KAT2B: variants seen among roughly 807,000 people sequenced by gnomAD.
KAT2B encodes the protein lysine acetyltransferase 2B, also known as histone acetyltransferase KAT2B.
A neutral mutation model predicts 105.9 loss-of-function variants in KAT2B; 36 were observed. The observed-to-expected ratio is 0.34, with a 90% CI of 0.26 to 0.45. The LOEUF is 0.45. Ranked by LOEUF, KAT2B falls within the 20% of genes least tolerant of loss-of-function variation. KAT2B has a pLI of 1.00. For synonymous variants in KAT2B, 397 were observed against 377.9 expected, an observed-to-expected ratio of 1.05 and a Z score of -0.59; for missense variants, 820 against 1,021.6, an observed-to-expected ratio of 0.80 and a Z score of 2.69.
At chr3:20,051,229 A>AG (rs987979552) in intron 1 of KAT2B, among the ~76,000 whole-genome samples, 2 of 151,676 alleles carry the variant, frequency 1.3e-5, no homozygotes, top group African/African-American at 2.4e-5. Context: ...AACAAAAAAA[A>AG]CAAATCAAGG....
At chr3:20,112,502 C>A (rs1248942345) in intron 6 of KAT2B, among the ~76,000 whole-genome samples, 1 of 152,110 alleles carries the variant, frequency 6.6e-6, no homozygotes, top group Non-Finnish European at 1.5e-5. Flanking sequence ...TGCTAAAAAC[C>A]AAAAATTTAA....
intron 11 of KAT2B, among the ~76,000 whole-genome samples, chr3:20,131,874 G>A (rs908951927): frequency 6.6e-6 from 1 of 152,114 alleles, no homozygotes; most frequent in Non-Finnish European, 1.5e-5. Context: ...ATAAACAGAC[G>A]TTTTAAGTAT....
chr3:20,123,016 A>G (rs1342016373), intron 9 of KAT2B: 9 of 910,828 alleles, frequency 9.9e-6, no homozygotes, highest in East Asian at 1.2e-4. Flanking sequence ...TCCACTTACT[A>G]ATAATCTCAC....
rs1292236100 is a variant in KAT2B at position 20,140,252 on chromosome 3, C to T, written c.1892C>T (p.Thr631Ile). The change falls in exon 13 of 18, where the codon ACC (threonine) becomes ATC (isoleucine). Residue 631 changes from threonine to isoleucine, a missense_variant. This residue lies in a region of KAT2B where 227 missense variants were observed against 292.9 expected (regional missense o/e 0.77). Coordinates refer to ENST00000263754, the MANE Select transcript of KAT2B (RefSeq NM_003884.5). ...TCCAAAGAAATTAAAATACCTAAAA[C>T]CAAATATGTTGGCTATATCAAGGAT... is the stretch of plus-strand genomic sequence containing the variant. ...GFSKEIKIPK[T>I]KYVGYIKDYE... 1.2e-6 allele frequency: 2 copies of T among 1,610,448 alleles called. No individual in the cohort carries two copies. The highest frequency in any genetic ancestry group is 1.3e-5 in the African/African-American group (1 of 74,820).
intron 1 of KAT2B, among the ~76,000 whole-genome samples, chr3:20,068,873 C>T (rs960025855): frequency 1.8e-4 from 27 of 152,214 alleles, no homozygotes; most frequent in African/African-American, 6.5e-4. Context: ...ACTTAAGGTC[C>T]TTTGGGAAAG....
At chr3:20,105,800 G>GAAAA (rs35102951) in intron 5 of KAT2B, among the ~76,000 whole-genome samples, 5 of 94,354 alleles carry the variant, frequency 5.3e-5, no homozygotes, top group Non-Finnish European at 8.2e-5. Context: ...GACCCTGTCT[G>GAAAA]AAAAAAAAAA....
intron 11 of KAT2B, among the ~76,000 whole-genome samples, chr3:20,132,550 T>A (rs1372663085): frequency 6.6e-6 from 1 of 152,202 alleles, no homozygotes; most frequent in Non-Finnish European, 1.5e-5. Flanking sequence ...GGTCTGGGGT[T>A]AAAATCTAAA....
At chr3:20,136,240 T>C (rs920609321) in intron 11 of KAT2B, among the ~76,000 whole-genome samples, 1 of 152,226 alleles carries the variant, frequency 6.6e-6, no homozygotes, top group Non-Finnish European at 1.5e-5. Context: ...AACAATCACA[T>C]TAGATTTACA....
chr3:20,079,673 C>T (rs1002501290), intron 2 of KAT2B, among the ~76,000 whole-genome samples: 4 of 152,136 alleles, frequency 2.6e-5, no homozygotes, highest in Admixed American at 1.3e-4. Context: ...TTTGATCATA[C>T]GACATTTGCA....
At chr3:20,057,222 G>C (rs761096488) in intron 1 of KAT2B, among the ~76,000 whole-genome samples, 4 of 152,150 alleles carry the variant, frequency 2.6e-5, no homozygotes, top group Admixed American at 6.6e-5. Flanking sequence ...AAGGGAATAG[G>C]GTAGTTGAAA....
At chr3:20,075,338 C>T (rs1575118482) in intron 2 of KAT2B, among the ~76,000 whole-genome samples, 1 of 151,886 alleles carries the variant, frequency 6.6e-6, no homozygotes, top group Non-Finnish European at 1.5e-5. Context: ...ACTTCTGTGA[C>T]CAGATGTGTG....
intron 6 of KAT2B, among the ~76,000 whole-genome samples, chr3:20,112,520 G>T (rs1228151330): frequency 1.3e-5 from 2 of 152,202 alleles, no homozygotes; most frequent in African/African-American, 4.8e-5. Flanking sequence ...TAAGCTAAGC[G>T]GTTGGATGCT....
At chr3:20,095,696 C>A (rs1698796332) in intron 3 of KAT2B, among the ~76,000 whole-genome samples, 5 of 152,318 alleles carry the variant, frequency 3.3e-5, no homozygotes, top group Admixed American at 2.0e-4. Flanking sequence ...CACATCTGTT[C>A]TGCATGTGGC....
Position 20,095,245 on chromosome 3 carries a change from C to G in KAT2B, c.431-18C>G, listed in dbSNP as rs1424567123. 1 of 1,603,174 alleles carries G rather than the reference C, an allele frequency of 6.2e-7. No individual in the cohort carries two copies. Among genetic ancestry groups the G allele is most frequent in the South Asian group, 1.1e-5 (1 of 88,924 alleles). On this transcript the variant is annotated intron_variant, in intron 2 of 17. Coordinates refer to ENST00000263754, the MANE Select transcript of KAT2B (RefSeq NM_003884.5). ...TCCAATTGAGGTCTTACATATGTTT[C>G]TTTGATCTTATCATAAGCTGCTCAT...
intron 3 of KAT2B, among the ~76,000 whole-genome samples, chr3:20,096,177 A>G (rs4435663): frequency 0.8 from 122,094 of 152,056 alleles, 49,866 homozygotes; most frequent in East Asian, 0.97. Flanking sequence ...TTAAGAGGAG[A>G]AATCAACATA....
intron 13 of KAT2B, among the ~76,000 whole-genome samples, chr3:20,143,572 T>C (rs1308460561): frequency 6.6e-6 from 1 of 152,144 alleles, no homozygotes; most frequent in Non-Finnish European, 1.5e-5. Context: ...TACAAAAAGA[T>C]ACATGTGCTT....
At chr3:20,102,678 A>G (rs1698930753) in intron 5 of KAT2B, among the ~76,000 whole-genome samples, 1 of 152,236 alleles carries the variant, frequency 6.6e-6, no homozygotes, top group Non-Finnish European at 1.5e-5. Context: ...TTAAACTTGT[A>G]CCATACAAAA....
intron 1 of KAT2B, among the ~76,000 whole-genome samples, chr3:20,059,368 C>G (rs952613460): frequency 5.5e-5 from 7 of 127,640 alleles, no homozygotes; most frequent in Admixed American, 1.8e-4. Flanking sequence ...GAGCTGAGAT[C>G]ATCATGCCAC....
Position 20,153,576 on chromosome 3 carries a change from G to A in KAT2B, c.*1051G>A, listed in dbSNP as rs934690326. Reference sequence around the variant, plus strand: ...TTTTAACACCCACATTAGTATATGCGTCCAGGGTCATAACCCCCTAAAATC... The same window carrying A: ...TTTTAACACCCACATTAGTATATGCATCCAGGGTCATAACCCCCTAAAATC... On this transcript the variant is annotated 3_prime_UTR_variant, in exon 18 of 18. Transcript: ENST00000263754. The A allele has an allele frequency of 1.3e-5, 2 of 152,490 alleles. No homozygotes were observed. Among genetic ancestry groups the A allele is most frequent in the African/African-American group, 2.4e-5 (1 of 41,410 alleles). The allele number at this position is 152,490 out of a possible 1,614,324, so 9.4% of individuals were successfully genotyped here.
Sources: allele counts gnomAD v4.1 joint callset (sites outside exome capture counted in the v4.1 genomes callset), GRCh38; gene constraint gnomAD v4.1.1; regional missense constraint gnomAD v4.1.1; transcripts MANE v1.5; gene names NCBI Gene and HGNC (gene_info 2026-07-23, HGNC 2026-07-21).